Variants in CNTNAP2 observed in about 807,000 individuals in gnomAD.
CNTNAP2 encodes the protein contactin associated protein 2.
A neutral mutation model predicts 155.2 loss-of-function variants in CNTNAP2; 98 were observed. The ratio of observed to expected loss-of-function variants is 0.63; its 90% CI spans 0.54 to 0.75. The LOEUF is 0.75. Among genes scored for constraint, CNTNAP2 ranks in the 30% least tolerant of loss-of-function variants. The probability of loss-of-function intolerance (pLI) is 0.00; values close to 1 mark genes in which losing one functional copy is unlikely to be tolerated. For missense variants in CNTNAP2, 1,727 were observed against 1,688.1 expected (o/e 1.02, Z -0.40); for synonymous variants, 651 against 631.2 (o/e 1.03, Z -0.47).
At chr7:146,140,705 A>G (rs1797864212) in intron 1 of CNTNAP2, among the ~76,000 whole-genome samples, 1 of 152,150 alleles carries the variant, frequency 6.6e-6, no homozygotes, top group Non-Finnish European at 1.5e-5. Context: ...CTTAAATCCC[A>G]TCATGCAATT....
intron 13 of CNTNAP2, among the ~76,000 whole-genome samples, chr7:147,647,053 T>C (rs1035660529): frequency 6.6e-6 from 1 of 151,704 alleles, no homozygotes. Flanking sequence ...TGATCTAGGC[T>C]CACTGCAACC....
intron 1 of CNTNAP2, among the ~76,000 whole-genome samples, chr7:146,302,991 T>G (rs1459942719): frequency 1.3e-5 from 2 of 152,064 alleles, no homozygotes; most frequent in African/African-American, 4.8e-5. Flanking sequence ...GGTAAGTACA[T>G]GATTAAATCT....
intron 15 of CNTNAP2, among the ~76,000 whole-genome samples, chr7:148,066,399 T>C (rs987033446): frequency 4.6e-5 from 7 of 152,236 alleles, no homozygotes; most frequent in African/African-American, 1.7e-4. Context: ...TAGATTTCTC[T>C]TCTTCCTTGG....
intron 1 of CNTNAP2, among the ~76,000 whole-genome samples, chr7:146,357,335 GC>G (rs1395775463): frequency 6.6e-6 from 1 of 151,210 alleles, no homozygotes; most frequent in Non-Finnish European, 1.5e-5. Context: ...CCTAATCATT[GC>G]TTTTTTCTAA....
At chr7:146,940,503 T>C (rs1372677498) in intron 3 of CNTNAP2, among the ~76,000 whole-genome samples, 1 of 152,096 alleles carries the variant, frequency 6.6e-6, no homozygotes, top group East Asian at 1.9e-4. Context: ...CCTTATTTTT[T>C]TAACAGAGTG....
intron 3 of CNTNAP2, among the ~76,000 whole-genome samples, chr7:147,001,007 T>G (rs560328368): frequency 1.3e-5 from 2 of 152,222 alleles, no homozygotes; most frequent in East Asian, 3.9e-4. Flanking sequence ...TGGTTTTTAC[T>G]GTGGTGGGCC....
intron 13 of CNTNAP2, among the ~76,000 whole-genome samples, chr7:147,740,872 G>A (rs1406572007): frequency 1.3e-5 from 2 of 152,254 alleles, no homozygotes; most frequent in African/African-American, 2.4e-5. Context: ...AAGAGGGAGG[G>A]CCCAGGCAGA....
At chr7:147,275,905 A>C (rs150637296) in intron 8 of CNTNAP2, among the ~76,000 whole-genome samples, 1,687 of 151,770 alleles carry the variant, frequency 0.011, 16 homozygotes, top group Middle Eastern at 0.021. Flanking sequence ...CTTTTTCTGC[A>C]CCTATTGAGT....
chr7:147,411,877 T>C (rs1265539185), intron 10 of CNTNAP2, among the ~76,000 whole-genome samples: 2 of 152,196 alleles, frequency 1.3e-5, no homozygotes, highest in Non-Finnish European at 1.5e-5. Flanking sequence ...CTCTGCCCAG[T>C]TGATGTTTCG....
Position 146,792,268 on chromosome 7 carries a change from T to TA in CNTNAP2, c.208+17897dup, listed in dbSNP as rs397978357. Among the ~76,000 whole-genome samples, 829 of 148,684 alleles carry TA rather than the reference T, an allele frequency of 5.6e-3. 4 individuals carry two copies. The highest frequency in any genetic ancestry group is 0.017 in the African/African-American group (698 of 40,894). Reference sequence around the variant, plus strand: ...CTTATATCAAAAAAAAAGAAAAAGCTAAAAAAAAAACACTCTGCTACATGT... The same window carrying TA: ...CTTATATCAAAAAAAAAGAAAAAGCTAAAAAAAAAAACACTCTGCTACATGT... On this transcript the variant is annotated intron_variant, in intron 2 of 23. Transcript: ENST00000361727.
chr7:148,251,344 C>T (rs373919250), intron 20 of CNTNAP2, among the ~76,000 whole-genome samples: 388 of 152,318 alleles, frequency 2.5e-3, no homozygotes, highest in African/African-American at 8.7e-3. Flanking sequence ...ATGCAGGTGG[C>T]AAGATTTGTC....
chr7:146,884,776 A>AG (rs1222876659), intron 3 of CNTNAP2, among the ~76,000 whole-genome samples: 1 of 152,114 alleles, frequency 6.6e-6, no homozygotes, highest in African/African-American at 2.4e-5. Context: ...CAAGGAAGGG[A>AG]GGGGAAGTAG....
At chr7:147,322,818 C>A (rs1342139237) in intron 9 of CNTNAP2, among the ~76,000 whole-genome samples, 1 of 136,952 alleles carries the variant, frequency 7.3e-6, no homozygotes. Flanking sequence ...GTGTATGTGT[C>A]CAGGAATGTA....
At chr7:147,864,553 T>C (rs1399798752) in intron 13 of CNTNAP2, among the ~76,000 whole-genome samples, 1 of 152,004 alleles carries the variant, frequency 6.6e-6, no homozygotes, top group Admixed American at 6.6e-5. Flanking sequence ...ATTCTTCCTA[T>C]CCATGAGCAT....
chr7:146,693,520 G>A (rs1800732381), intron 1 of CNTNAP2, among the ~76,000 whole-genome samples: 1 of 151,928 alleles, frequency 6.6e-6, no homozygotes, highest in South Asian at 2.1e-4. Flanking sequence ...CTAGGCTCCA[G>A]GATACTTAGA....
intron 18 of CNTNAP2, among the ~76,000 whole-genome samples, chr7:148,198,122 G>A (rs928369094): frequency 6.6e-6 from 1 of 152,180 alleles, no homozygotes; most frequent in Non-Finnish European, 1.5e-5. Context: ...GCCTGAGGGT[G>A]GCTGGTTCCA....
rs1563135239 is a variant in CNTNAP2, at chr7:146,560,416, CGT to C, written c.98-213848_98-213847del. On this transcript the variant is annotated intron_variant, in intron 1 of 23. Transcript: ENST00000361727. ...GTATGTGTATATGTGTGTGTATACA[CGT>C]GTGTGTATATATAAATATGTGTGTT... 2.6e-5 allele frequency among the ~76,000 whole-genome samples: 4 copies of C among 151,050 alleles called. No homozygotes were observed. In the South Asian group the frequency reaches 8.4e-4, roughly 32 times the overall value.
At chr7:146,682,317 A>G (rs1164432423) in intron 1 of CNTNAP2, among the ~76,000 whole-genome samples, 2 of 152,166 alleles carry the variant, frequency 1.3e-5, no homozygotes, top group Non-Finnish European at 2.9e-5. Flanking sequence ...GTGTGAGAAC[A>G]TAACGTTCAG....
intron 1 of CNTNAP2, among the ~76,000 whole-genome samples, chr7:146,764,391 A>T (rs1319078107): frequency 2.0e-5 from 3 of 152,120 alleles, no homozygotes; most frequent in Non-Finnish European, 4.4e-5. Flanking sequence ...CTTTTGTTGC[A>T]TGAAGTTATA....
Sources: allele counts gnomAD v4.1 joint callset (sites outside exome capture counted in the v4.1 genomes callset), GRCh38; gene constraint gnomAD v4.1.1; transcripts MANE v1.5; gene names NCBI Gene and HGNC (gene_info 2026-07-23, HGNC 2026-07-21).